Variants in CACNA2D3 observed in about 807,000 individuals in gnomAD.
CACNA2D3 encodes the protein calcium voltage-gated channel auxiliary subunit alpha2delta 3, also known as voltage-dependent calcium channel subunit alpha-2/delta-3.
Under a neutral mutation model 160.6 loss-of-function variants are expected in CACNA2D3, and 60 were observed. The observed-to-expected ratio is 0.37, with a 90% CI of 0.30 to 0.46. The LOEUF is 0.46. CACNA2D3 is among the 20% of genes least tolerant of loss of function. The probability of loss-of-function intolerance (pLI) is 1.00; values close to 1 mark genes in which losing one functional copy is unlikely to be tolerated. For synonymous variants in CACNA2D3, 558 were observed against 492.9 expected, an observed-to-expected ratio of 1.13 and a Z score of -1.75; for missense variants, 1,205 against 1,365.0, an observed-to-expected ratio of 0.88 and a Z score of 1.85.
chr3:54,555,050 A>G (rs928311396), intron 5 of CACNA2D3, among the ~76,000 whole-genome samples: 1 of 151,136 alleles, frequency 6.6e-6, no homozygotes, highest in Non-Finnish European at 1.5e-5. Flanking sequence ...ACTGTTTTGT[A>G]TTTTCTGTAG....
chr3:54,132,908 T>C (rs981387603), intron 2 of CACNA2D3, among the ~76,000 whole-genome samples: 1 of 151,920 alleles, frequency 6.6e-6, no homozygotes, highest in Non-Finnish European at 1.5e-5. Flanking sequence ...CTAGGGTGAG[T>C]TGAGAGGCCC....
At position 54,736,029 on chromosome 3, in the gene CACNA2D3, ATATATGTATATATATACACATACATATG is replaced by A. The variant is rs1559563506; in HGVS notation, c.1168-16566_1168-16539del. 4.3e-4 allele frequency among the ~76,000 whole-genome samples: 30 copies of A among 70,058 alleles called. 4 individuals carry two copies. Among genetic ancestry groups the A allele is most frequent in the South Asian group, 3.0e-3 (7 of 2,336 alleles). 46.0% of individuals were successfully genotyped at this position (70,058 alleles called of 152,430 possible). A position where few individuals can be genotyped will look rare whatever the true frequency, so the allele number is the denominator to read the frequency against. ...TATGTATATATATACACATACATAT[ATATATGTATATATATACACATACATATG>A]TATGTATATATATATACATATATAT... On this transcript the variant is annotated intron_variant, in intron 11 of 37. Coordinates refer to ENST00000474759, the MANE Select transcript of CACNA2D3 (RefSeq NM_018398.3).
chr3:54,927,613 C>T (rs1701061025), intron 27 of CACNA2D3, among the ~76,000 whole-genome samples: 1 of 152,098 alleles, frequency 6.6e-6, no homozygotes. Context: ...CCACTTTTCC[C>T]CCCAAAGGAA....
chr3:54,531,078 A>T (rs1211826415), intron 5 of CACNA2D3, among the ~76,000 whole-genome samples: 3 of 152,248 alleles, frequency 2.0e-5, no homozygotes, highest in Non-Finnish European at 2.9e-5. Context: ...TGAGCTGGCA[A>T]CTGCCATGGC....
At chr3:54,205,834 T>A (rs1482830502) in intron 2 of CACNA2D3, among the ~76,000 whole-genome samples, 1 of 152,076 alleles carries the variant, frequency 6.6e-6, no homozygotes, top group African/African-American at 2.4e-5. Flanking sequence ...GTCAATGTAG[T>A]TTATGTTAGG....
intron 29 of CACNA2D3, among the ~76,000 whole-genome samples, chr3:54,973,991 C>T (rs1361178854): frequency 6.6e-6 from 1 of 152,080 alleles, no homozygotes; most frequent in East Asian, 1.9e-4. Context: ...TTCTCTCTCC[C>T]TCTCTCCCCA....
At chr3:54,727,077 C>T (rs1055077348) in intron 11 of CACNA2D3, among the ~76,000 whole-genome samples, 7 of 152,042 alleles carry the variant, frequency 4.6e-5, no homozygotes, top group African/African-American at 1.7e-4. Context: ...AAAAACAACC[C>T]CATCAAAAAG....
intron 2 of CACNA2D3, among the ~76,000 whole-genome samples, chr3:54,300,730 C>T (rs796686213): frequency 1.4e-4 from 21 of 152,242 alleles, no homozygotes; most frequent in African/African-American, 5.1e-4. Context: ...AGTAACTTAA[C>T]CATGCTGGGT....
chr3:54,666,135 A>G (rs1286915133), intron 11 of CACNA2D3, among the ~76,000 whole-genome samples: 1 of 152,196 alleles, frequency 6.6e-6, no homozygotes, highest in Non-Finnish European at 1.5e-5. Flanking sequence ...ATGATGAGGA[A>G]TAAGAGGGTT....
At chr3:54,246,334 G>T (rs1702075519) in intron 2 of CACNA2D3, among the ~76,000 whole-genome samples, 1 of 151,990 alleles carries the variant, frequency 6.6e-6, no homozygotes, top group African/African-American at 2.4e-5. Flanking sequence ...TTTTTCCCTT[G>T]TAAGTCACAT....
At chr3:54,577,988 T>C (rs1702613695) in intron 8 of CACNA2D3, among the ~76,000 whole-genome samples, 1 of 152,222 alleles carries the variant, frequency 6.6e-6, no homozygotes, top group Non-Finnish European at 1.5e-5. Context: ...GGGTGAAAGC[T>C]GTTTGTCCAT....
chr3:54,649,407 T>A (rs1699716281), intron 11 of CACNA2D3, among the ~76,000 whole-genome samples: 1 of 152,216 alleles, frequency 6.6e-6, no homozygotes, highest in Non-Finnish European at 1.5e-5. Context: ...TGGAGAGAAA[T>A]TAGGCTCCCT....
rs12108071 is a variant in CACNA2D3, at chr3:54,334,275, C to T, written c.321+13717C>T. ...CTAATTTTTGTATTTTCAGTAGAGA[C>T]GGGGTTTCACCATGTTGGCCAGGCT... is the stretch of plus-strand genomic sequence containing the variant. On this transcript the variant is annotated intron_variant, in intron 3 of 37. Coordinates refer to ENST00000474759, the MANE Select transcript of CACNA2D3 (RefSeq NM_018398.3). Among the ~76,000 whole-genome samples, 378 of 152,156 alleles carry T rather than the reference C, an allele frequency of 2.5e-3. 4 individuals are homozygous for T. The highest frequency in any genetic ancestry group is 8.5e-3 in the African/African-American group (355 of 41,524).
intron 11 of CACNA2D3, among the ~76,000 whole-genome samples, chr3:54,659,469 A>G (rs1002624632): frequency 9.9e-5 from 15 of 152,218 alleles, no homozygotes; most frequent in African/African-American, 3.6e-4. Flanking sequence ...TCCAAAGCCC[A>G]TACCTTTCAC....
intron 11 of CACNA2D3, among the ~76,000 whole-genome samples, chr3:54,654,865 G>C (rs544989404): frequency 4.6e-5 from 7 of 152,328 alleles, no homozygotes; most frequent in Non-Finnish European, 8.8e-5. Context: ...CGTTGGGAAT[G>C]AGAATCCAAT....
chr3:54,767,705 A>G (rs2107105990), intron 13 of CACNA2D3, among the ~76,000 whole-genome samples: 1 of 152,274 alleles, frequency 6.6e-6, no homozygotes, highest in Non-Finnish European at 1.5e-5. Flanking sequence ...AATAATAATA[A>G]TAAGCTTGGA....
At chr3:54,650,431 T>C (rs973102880) in intron 11 of CACNA2D3, among the ~76,000 whole-genome samples, 2 of 152,154 alleles carry the variant, frequency 1.3e-5, no homozygotes, top group Non-Finnish European at 2.9e-5. Context: ...GTGCATGTTC[T>C]TGACTCACTG....
Position 54,714,965 on chromosome 3 carries a change from C to A in CACNA2D3, c.1168-37634C>A, listed in dbSNP as rs1012102261. Among the ~76,000 whole-genome samples, 7 of 152,316 alleles carry A rather than the reference C, an allele frequency of 4.6e-5. No homozygotes were observed. In the East Asian group the frequency reaches 1.4e-3, roughly 29 times the overall value. ...TGGATGTCTGAGTTTTTTCTCCACACACCAAGCAATCAACTGTCCAGCAGA... is the reference window on the plus strand; with the variant it reads ...TGGATGTCTGAGTTTTTTCTCCACAAACCAAGCAATCAACTGTCCAGCAGA... On this transcript the variant is annotated intron_variant, in intron 11 of 37. Coordinates refer to ENST00000474759, the MANE Select transcript of CACNA2D3 (RefSeq NM_018398.3).
At chr3:54,729,207 C>A (rs1182950673) in intron 11 of CACNA2D3, among the ~76,000 whole-genome samples, 2 of 152,156 alleles carry the variant, frequency 1.3e-5, no homozygotes, top group African/African-American at 4.8e-5. Flanking sequence ...AGGTGTGAGC[C>A]ACTGCACCCA....
Sources: allele counts gnomAD v4.1 joint callset (sites outside exome capture counted in the v4.1 genomes callset), GRCh38; gene constraint gnomAD v4.1.1; transcripts MANE v1.5; gene names NCBI Gene and HGNC (gene_info 2026-07-23, HGNC 2026-07-21).